Variants in FOCAD observed in about 807,000 individuals in gnomAD.
FOCAD encodes the protein KIAA1797.
In FOCAD, 198 loss-of-function variants were observed where a neutral mutation model predicts 225.6. The observed-to-expected ratio is 0.88, with a 90% confidence interval of 0.78 to 0.99. The LOEUF is 0.99. Ranked by LOEUF, FOCAD falls within the 50% of genes least tolerant of loss-of-function variation. FOCAD has a pLI of 0.00. For missense variants in FOCAD, 2,713 were observed against 2,123.6 expected (o/e 1.28, Z -5.46); for synonymous variants, 897 against 755.0 (o/e 1.19, Z -3.08).
intron 4 of FOCAD, among the ~76,000 whole-genome samples, chr9:20,738,316 T>G (rs1200596754): frequency 6.6e-6 from 1 of 152,150 alleles, no homozygotes; most frequent in African/African-American, 2.4e-5. Flanking sequence ...TCATTCTAGT[T>G]TACAAAAAGA....
rs551497851 is a variant in FOCAD, at chr9:20,976,268, G to A, written c.4133-152G>A. The A allele has an allele frequency of 2.2e-5, 14 of 641,522 alleles. No individual in the cohort carries two copies. The African/African-American group carries it at 2.5e-4, about 12-fold the overall frequency. 39.7% of individuals were successfully genotyped at this position (641,522 alleles called of 1,614,324 possible). ...GCAAGCTTTTCTGGCAAATGGAGTT[G>A]AAATTAAGAGCACAGAATTGAAGCG... is the stretch of plus-strand genomic sequence containing the variant. On this transcript the variant is annotated intron_variant, in intron 35 of 43. Coordinates refer to ENST00000338382, the MANE Select transcript of FOCAD (RefSeq NM_001375567.1).
rs1827286832 is a variant in FOCAD at position 20,737,981 on chromosome 9, G to A, written c.288-2255G>A. ...CCAGGTCTTTGTAAAGGAAGGTGTT[G>A]TGAAGAGTTGTGAAGAACTGGAGGA... On this transcript the variant is annotated intron_variant, in intron 4 of 43. Coordinates refer to ENST00000338382, the MANE Select transcript of FOCAD (RefSeq NM_001375567.1). Among the ~76,000 whole-genome samples, 3 of 152,216 alleles carry A rather than the reference G, an allele frequency of 2.0e-5. No individual in the cohort carries two copies. In the South Asian group the frequency reaches 6.2e-4, roughly 32 times the overall value.
At chr9:20,733,996 G>A (rs1206451703) in intron 4 of FOCAD, among the ~76,000 whole-genome samples, 2 of 152,210 alleles carry the variant, frequency 1.3e-5, no homozygotes, top group African/African-American at 4.8e-5. Flanking sequence ...GGGTGACAGA[G>A]CAAGACCCTA....
intron 17 of FOCAD, 21 bp from the exon 18 acceptor site, chr9:20,866,908 T>TTTC: frequency 3.5e-6 from 3 of 868,474 alleles, no homozygotes; most frequent in South Asian, 3.7e-5. Flanking sequence ...TTTTTTTTTT[T>TTTC]TTTTTTTTTA....
intron 5 of FOCAD, among the ~76,000 whole-genome samples, chr9:20,747,655 A>T (rs1038494976): frequency 6.6e-6 from 1 of 152,160 alleles, no homozygotes; most frequent in Non-Finnish European, 1.5e-5. Flanking sequence ...GATTTGCCTT[A>T]TAAGTGGAAC....
chr9:20,857,987 G>A (rs372165776), intron 15 of FOCAD, among the ~76,000 whole-genome samples: 12 of 151,946 alleles, frequency 7.9e-5, no homozygotes, highest in African/African-American at 2.9e-4. Context: ...TGTTGAATTT[G>A]TTGTGGTGGC....
chr9:20,886,139 A>T (rs892098567), intron 21 of FOCAD, among the ~76,000 whole-genome samples: 1 of 152,226 alleles, frequency 6.6e-6, no homozygotes, highest in Non-Finnish European at 1.5e-5. Flanking sequence ...TTCAAGACCC[A>T]TCTTTGTCCT....
At chr9:20,974,900 T>G (rs199578573) in intron 35 of FOCAD, among the ~76,000 whole-genome samples, 1 of 152,026 alleles carries the variant, frequency 6.6e-6, no homozygotes, top group East Asian at 1.9e-4. Flanking sequence ...TTCTGCTACT[T>G]TTTCTGATGA....
chr9:20,805,195 A>C (rs1438429428), intron 11 of FOCAD, among the ~76,000 whole-genome samples: 2 of 152,210 alleles, frequency 1.3e-5, no homozygotes, highest in African/African-American at 2.4e-5. Context: ...CTTTGAATGC[A>C]TGTACGGAGG....
intron 15 of FOCAD, among the ~76,000 whole-genome samples, chr9:20,830,588 CAT>C (rs1340506970): frequency 1.3e-5 from 2 of 152,064 alleles, no homozygotes; most frequent in Non-Finnish European, 2.9e-5. Context: ...GATGTAGCGA[CAT>C]ATTTTAATGG....
chr9:20,860,470 G>T (rs1309775892), intron 15 of FOCAD, among the ~76,000 whole-genome samples: 1 of 152,070 alleles, frequency 6.6e-6, no homozygotes, highest in African/African-American at 2.4e-5. Context: ...TCTCTTATTA[G>T]TTCCTCAGTC....
intron 8 of FOCAD, among the ~76,000 whole-genome samples, chr9:20,771,819 A>G (rs1398567525): frequency 6.6e-6 from 1 of 152,230 alleles, no homozygotes; most frequent in Non-Finnish European, 1.5e-5. Flanking sequence ...GTCCAAGCAC[A>G]GGGTGCTGGC....
chr9:20,907,750 C>T (rs143555653), intron 22 of FOCAD, among the ~76,000 whole-genome samples: 1 of 152,206 alleles, frequency 6.6e-6, no homozygotes, highest in East Asian at 1.9e-4. Context: ...GCCACTCCCT[C>T]TTTACCCACC....
At chr9:20,851,232 G>A (rs34955931) in intron 15 of FOCAD, among the ~76,000 whole-genome samples, 36,708 of 149,256 alleles carry the variant, frequency 0.25, 4,828 homozygotes, top group Middle Eastern at 0.33. Flanking sequence ...TTCGTGGGGT[G>A]GGGGGGTGTT....
intron 1 of FOCAD, among the ~76,000 whole-genome samples, chr9:20,710,406 G>T (rs912842932): frequency 6.6e-6 from 1 of 151,620 alleles, no homozygotes; most frequent in Non-Finnish European, 1.5e-5. Context: ...GACCAGCCTC[G>T]CCAACATGGT....
chr9:20,930,876 A>C (rs554802893), intron 27 of FOCAD, among the ~76,000 whole-genome samples: 1 of 152,322 alleles, frequency 6.6e-6, no homozygotes, highest in African/African-American at 2.4e-5. Flanking sequence ...CAGAACACAA[A>C]CTATTTTTAA....
At chr9:20,822,713 C>T (rs1388437220) in intron 14 of FOCAD, among the ~76,000 whole-genome samples, 1 of 151,898 alleles carries the variant, frequency 6.6e-6, no homozygotes, top group African/African-American at 2.4e-5. Flanking sequence ...GAGTTTTTCT[C>T]AATTCAGACA....
rs77525979 is a variant in FOCAD at position 20,887,023 on chromosome 9, G to A, written c.2625+1793G>A. On this transcript the variant is annotated intron_variant, in intron 21 of 43. Transcript: ENST00000338382. ...CCTTGAACTGTCATCTTCTCTCCCA[G>A]GTTAATCAGAGAAGATTCTAGAAAT... Among the ~76,000 whole-genome samples, 754 of 152,220 alleles carry A rather than the reference G, an allele frequency of 5.0e-3. 4 individuals carry two copies. Among genetic ancestry groups the A allele is most frequent in the Non-Finnish European group, 7.5e-3 (513 of 68,000 alleles).
At chr9:20,723,394 A>G (rs961126311) in intron 4 of FOCAD, among the ~76,000 whole-genome samples, 3 of 152,242 alleles carry the variant, frequency 2.0e-5, no homozygotes, top group African/African-American at 7.2e-5. Context: ...AGGCTGAGGC[A>G]GGAGAATCAC....
Sources: allele counts gnomAD v4.1 joint callset (sites outside exome capture counted in the v4.1 genomes callset), GRCh38; gene constraint gnomAD v4.1.1; transcripts MANE v1.5; gene names NCBI Gene and HGNC (gene_info 2026-07-23, HGNC 2026-07-21).